DGKB: variants seen among roughly 807,000 people sequenced by gnomAD.
The protein encoded by DGKB is 90 kDa diacylglycerol kinase.
A neutral mutation model predicts 114.3 loss-of-function variants in DGKB; 67 were observed. That is an observed-to-expected ratio of 0.59 (90% CI 0.48 to 0.72). The LOEUF is 0.72. Ranked by LOEUF, DGKB falls within the 30% of genes least tolerant of loss-of-function variation. DGKB has a pLI of 0.00. For synonymous variants in DGKB, 398 were observed against 323.1 expected (o/e 1.23, Z -2.49); for missense variants, 907 against 975.2 (o/e 0.93, Z 0.93).
chr7:14,198,579 A>G (rs1159824933), intron 23 of DGKB, among the ~76,000 whole-genome samples: 1 of 152,104 alleles, frequency 6.6e-6, no homozygotes, highest in Admixed American at 6.6e-5. Context: ...CTTTCATAAT[A>G]GAAAATAAGC....
chr7:14,192,360 C>T (rs924858620), intron 23 of DGKB, among the ~76,000 whole-genome samples: 1 of 151,782 alleles, frequency 6.6e-6, no homozygotes, highest in African/African-American at 2.4e-5. Flanking sequence ...TTTCTTTTAC[C>T]ATAGCTACAA....
intron 20 of DGKB, among the ~76,000 whole-genome samples, chr7:14,515,521 T>A (rs975577168): frequency 6.6e-6 from 1 of 152,180 alleles, no homozygotes; most frequent in South Asian, 2.1e-4. Flanking sequence ...TACGTTTTCA[T>A]TTGCCTACTA....
upstream of DGKB, among the ~76,000 whole-genome samples, chr7:14,905,877 T>C (rs1025024983): frequency 3.3e-5 from 5 of 152,198 alleles, no homozygotes; most frequent in African/African-American, 9.7e-5. Context: ...GGAAGATAAG[T>C]GAGCTGGAAA....
chr7:14,682,830 T>C lies in DGKB; in HGVS notation c.841A>G (p.Thr281Ala), dbSNP rs975315275. Residue 281 changes from threonine (T) to alanine (A), a missense_variant, in exon 11 of 26, where the codon ACA becomes GCA. Physicochemically the swap from Thr to Ala is moderately conservative, Grantham distance 58. Coordinates refer to ENST00000402815, the MANE Select transcript of DGKB (RefSeq NM_001350709.2). ...CGAGCCACACAGCGCTCATGGACTG[T>C]GTACTTGCAGACTGAAAGGAAACAG... ...QGLCCSFCKY[T>A]VHERCVARAP... The C allele has an allele frequency of 6.3e-7, 1 of 1,590,942 alleles. No individual in the cohort carries two copies. The highest frequency in any genetic ancestry group is 8.6e-7 in the Non-Finnish European group (1 of 1,167,822).
intron 23 of DGKB, among the ~76,000 whole-genome samples, chr7:14,240,476 C>T (rs960361990): frequency 1.3e-4 from 20 of 152,010 alleles, no homozygotes; most frequent in African/African-American, 4.8e-4. Context: ...CCTGTGCCAT[C>T]CTGGACTCAC....
At chr7:14,880,312 G>A (rs1177695573) in intron 1 of DGKB, among the ~76,000 whole-genome samples, 1 of 152,092 alleles carries the variant, frequency 6.6e-6, no homozygotes, top group African/African-American at 2.4e-5. Context: ...ACAAAAATTA[G>A]CCAGGTATGG....
At chr7:14,754,000 A>T in intron 3 of DGKB, 52 bp from the exon 4 acceptor site, 1 of 1,217,268 alleles carries the variant, frequency 8.2e-7, no homozygotes, top group South Asian at 1.3e-5. Flanking sequence ...GATACTTTAT[A>T]CTCATTATCT....
chr7:14,787,553 G>C (rs1258658519), intron 2 of DGKB, among the ~76,000 whole-genome samples: 1 of 152,212 alleles, frequency 6.6e-6, no homozygotes, highest in African/African-American at 2.4e-5. Flanking sequence ...AAGGGTGATA[G>C]ACGTAGAGAT....
chr7:14,813,066 A>G (rs1030907877), intron 2 of DGKB, among the ~76,000 whole-genome samples: 1 of 152,212 alleles, frequency 6.6e-6, no homozygotes, highest in African/African-American at 2.4e-5. Flanking sequence ...AAATCCTGAG[A>G]AAAAGTAGAC....
chr7:14,215,646 G>A lies in DGKB; in HGVS notation c.2123-37495C>T, dbSNP rs141231687. 8.5e-3 allele frequency among the ~76,000 whole-genome samples: 1,297 copies of A among 152,130 alleles called. 21 individuals carry two copies. Among genetic ancestry groups the A allele is most frequent in the African/African-American group, 0.03 (1,244 of 41,512 alleles). On this transcript the variant is annotated intron_variant, in intron 23 of 25. Transcript: ENST00000402815. The stretch of plus-strand genomic sequence containing the variant: ...CCTTCATTTTGCCGATGAGGAAACC[G>A]AGACACAGAGTTAAGTAACTGGCCT...
intron 23 of DGKB, among the ~76,000 whole-genome samples, chr7:14,213,164 T>C (rs930247167): frequency 3.3e-5 from 5 of 152,242 alleles, no homozygotes; most frequent in African/African-American, 7.2e-5. Flanking sequence ...AAACATGTCC[T>C]GGAAAGCTAT....
intron 1 of DGKB, among the ~76,000 whole-genome samples, chr7:14,880,490 G>A (rs1854056775): frequency 6.6e-6 from 1 of 152,028 alleles, no homozygotes; most frequent in African/African-American, 2.4e-5. Context: ...AATAAAAGTT[G>A]CATATTGTTT....
At chr7:14,506,572 C>A (rs1787103416) in intron 20 of DGKB, among the ~76,000 whole-genome samples, 1 of 152,118 alleles carries the variant, frequency 6.6e-6, no homozygotes, top group African/African-American at 2.4e-5. Flanking sequence ...GTTTTGATTT[C>A]ATGAATTCAT....
intron 5 of DGKB, among the ~76,000 whole-genome samples, chr7:14,721,544 G>A (rs1285252519): frequency 6.6e-6 from 1 of 152,030 alleles, no homozygotes; most frequent in African/African-American, 2.4e-5. Context: ...AATATTTAAA[G>A]CTGTATCATG....
chr7:14,792,464 G>A lies in DGKB; in HGVS notation c.71-34733C>T, dbSNP rs187697545. Among the ~76,000 whole-genome samples the A allele has an allele frequency of 1.2e-4, 18 of 152,150 alleles. No homozygotes were observed. The East Asian group carries it at 3.5e-3, about 29-fold the overall frequency. The stretch of plus-strand genomic sequence containing the variant: ...TAGGCAAGTCTCAACTCAAGTAGGT[G>A]GACAGTGATAGGCAGAAGTAAGAAA... On this transcript the variant is annotated intron_variant, in intron 2 of 25. Transcript: ENST00000402815.
At chr7:14,313,066 AATTG>A (rs1388825013) in intron 23 of DGKB, among the ~76,000 whole-genome samples, 2 of 152,224 alleles carry the variant, frequency 1.3e-5, no homozygotes, top group Non-Finnish European at 1.5e-5. Context: ...GAGTACAAAA[AATTG>A]ATTGATGTTT....
intron 5 of DGKB, among the ~76,000 whole-genome samples, chr7:14,729,281 T>TACGC (rs1301294041): frequency 6.7e-6 from 1 of 148,820 alleles, no homozygotes; most frequent in African/African-American, 2.5e-5. Context: ...TGCCACCACA[T>TACGC]CCGGCTAATT....
intron 14 of DGKB, among the ~76,000 whole-genome samples, chr7:14,627,946 A>AAAAC (rs1490790559): frequency 8.2e-5 from 3 of 36,802 alleles, no homozygotes; most frequent in African/African-American, 2.3e-4. Context: ...TTGTCTCAAA[A>AAAAC]AAACAAAAAA....
chr7:14,886,596 C>T (rs1368479096), intron 1 of DGKB, among the ~76,000 whole-genome samples: 1 of 151,810 alleles, frequency 6.6e-6, no homozygotes, highest in African/African-American at 2.4e-5. Flanking sequence ...CAAGTCTTGT[C>T]AATTTCACTT....
Sources: gnomAD v4.1 joint callset for allele counts (sites outside exome capture counted in the v4.1 genomes callset) on GRCh38, gnomAD v4.1.1 for gene constraint, MANE v1.5 for transcripts, NCBI Gene and HGNC (gene_info 2026-07-23, HGNC 2026-07-21) for gene names.